Variants in UBE2D3 observed in about 807,000 individuals in gnomAD.
UBE2D3 encodes ubiquitin conjugating enzyme E2 D3.
A neutral mutation model predicts 22.8 loss-of-function variants in UBE2D3; 2 were observed. The ratio of observed to expected loss-of-function variants is 0.09; its 90% CI spans 0.04 to 0.28. UBE2D3 has a LOEUF of 0.28. Ranked by LOEUF, UBE2D3 falls within the 10% of genes least tolerant of loss-of-function variation. The probability of loss-of-function intolerance (pLI) is 1.00; values close to 1 mark genes in which losing one functional copy is unlikely to be tolerated. For synonymous variants in UBE2D3, 56 were observed against 60.4 expected (o/e 0.93, Z 0.34); for missense variants, 27 against 182.5 (o/e 0.15, Z 4.91).
At chr4:102,830,700 C>A (rs980732664), upstream of UBE2D3, among the ~76,000 whole-genome samples, 15 of 152,240 alleles carry the variant, frequency 9.9e-5, no homozygotes, top group African/African-American at 3.6e-4. Context: ...CCAGTCTCTA[C>A]AAAAATAATA....
At chr4:102,818,753 T>C (rs79503933) in intron 2 of UBE2D3, among the ~76,000 whole-genome samples, 13 of 108,596 alleles carry the variant, frequency 1.2e-4, no homozygotes, top group African/African-American at 3.5e-4. Context: ...TTGGTCACTA[T>C]TTTTTTTTTT....
chr4:102,847,666 T>G (rs778709314), intron 1 of UBE2D3, among the ~76,000 whole-genome samples: 24 of 151,962 alleles, frequency 1.6e-4, no homozygotes, highest in Non-Finnish European at 2.6e-4. Context: ...TCGTTAGAGA[T>G]AGGGTCCCAC....
intron 4 of UBE2D3, among the ~76,000 whole-genome samples, chr4:102,805,128 T>C (rs1265611372): frequency 6.6e-6 from 1 of 152,262 alleles, no homozygotes; most frequent in African/African-American, 2.4e-5. Context: ...AAATTTCGTT[T>C]CGTTTGTTCG....
rs551863071 is a variant in UBE2D3 at position 102,810,018 on chromosome 4, T to C, written c.25-163A>G. On this transcript the variant is annotated intron_variant, in intron 2 of 7. Transcript: ENST00000453744. ...TTAGGAGAGAGAACATGCCTGAACA[T>C]ATGCTGAGACAATCATCTTAGCTAG... 400 of 645,356 alleles carry C rather than the reference T, an allele frequency of 6.2e-4. No homozygotes were observed. The African/African-American group carries it at 6.6e-3, about 11-fold the overall frequency. 40.0% of individuals were successfully genotyped at this position (645,356 alleles called of 1,614,324 possible).
At chr4:102,851,857 C>T (rs986378651) in intron 1 of UBE2D3, among the ~76,000 whole-genome samples, 2 of 151,810 alleles carry the variant, frequency 1.3e-5, no homozygotes, top group Admixed American at 6.6e-5. Flanking sequence ...TTAGTAGAGA[C>T]GGGGTTTCAC....
At position 102,797,424 on chromosome 4, in the gene UBE2D3, A is replaced by G; in HGVS notation, c.435T>C (p.Tyr145=). 6.2e-7 allele frequency: 1 copy of G among 1,608,220 alleles called. No individual in the cohort carries two copies. Among genetic ancestry groups the G allele is most frequent in the South Asian group, 1.1e-5 (1 of 90,398 alleles). Residue 145 remains tyrosine (Y), a synonymous_variant, in exon 8 of 8, where the codon TAT becomes TAC. Transcript: ENST00000453744. ...NRISREWTQK[Y]AM is the part of the protein sequence containing the mutation. ...TGACTTTAAGGTAGCATCACATGGCATACTTCTGAGTCCATTCCCGAGATA... is the reference window on the plus strand; with the variant it reads ...TGACTTTAAGGTAGCATCACATGGCGTACTTCTGAGTCCATTCCCGAGATA...
chr4:102,838,901 C>T (rs1352702111), intron 1 of UBE2D3, among the ~76,000 whole-genome samples: 1 of 147,840 alleles, frequency 6.8e-6, no homozygotes, highest in East Asian at 2.0e-4. Flanking sequence ...AAAGATGATA[C>T]AAGAGGAGAG....
intron 2 of UBE2D3, among the ~76,000 whole-genome samples, chr4:102,824,094 A>G (rs1730060323): frequency 6.6e-6 from 1 of 152,212 alleles, no homozygotes; most frequent in South Asian, 2.1e-4. Flanking sequence ...TGATTTTAAC[A>G]TTAACAGCTG....
chr4:102,846,142 A>G (rs1385065752), intron 1 of UBE2D3, among the ~76,000 whole-genome samples: 1 of 152,104 alleles, frequency 6.6e-6, no homozygotes, highest in African/African-American at 2.4e-5. Context: ...TTAGGATTCT[A>G]ATGTTCCCAC....
At chr4:102,841,700 G>A in intron 1 of UBE2D3, among the ~76,000 whole-genome samples, 1 of 152,136 alleles carries the variant, frequency 6.6e-6, no homozygotes, top group Non-Finnish European at 1.5e-5. Flanking sequence ...GTCACTACAA[G>A]GTGAGTGACA....
Position 102,833,838 on chromosome 4 carries a change from C to G in UBE2D3, c.-128-7202G>C, listed in dbSNP as rs149894635. Reference sequence around the variant, plus strand: ...ACAAAAGGCTTTAAAACCCACCCTCCCTGTATATATTACACCTATGAGAAA... The same window carrying G: ...ACAAAAGGCTTTAAAACCCACCCTCGCTGTATATATTACACCTATGAGAAA... On this transcript the variant is annotated intron_variant, in intron 1 of 7. Transcript: ENST00000338145. Among the ~76,000 whole-genome samples, 42 of 152,270 alleles carry G rather than the reference C, an allele frequency of 2.8e-4. No homozygotes were observed. The East Asian group carries it at 7.7e-3, about 28-fold the overall frequency.
At chr4:102,799,083 T>C in intron 7 of UBE2D3, 1 of 1,267,276 alleles carries the variant, frequency 7.9e-7, no homozygotes, top group Non-Finnish European at 1.1e-6. Context: ...GACCAAATTT[T>C]TACAATAGTA....
chr4:102,859,740 C>A (rs753093095), intron 1 of UBE2D3, among the ~76,000 whole-genome samples: 2 of 151,704 alleles, frequency 1.3e-5, no homozygotes, highest in African/African-American at 2.4e-5. Context: ...ATCAAATGAT[C>A]TGTCTTCAAG....
At chr4:102,814,457 CT>C (rs574701413) in intron 2 of UBE2D3, among the ~76,000 whole-genome samples, 2,056 of 119,104 alleles carry the variant, frequency 0.017, 14 homozygotes, top group African/African-American at 0.027. Flanking sequence ...CCTGGCTATT[CT>C]TTTTTTTTTT....
At chr4:102,827,403 C>T in intron 1 of UBE2D3, 24 bp downstream of exon 1, 3 of 986,252 alleles carry the variant, frequency 3.0e-6, no homozygotes, top group Non-Finnish European at 3.6e-6. Context: ...CTTCCCTGCC[C>T]TAGCCGTCCA....
At chr4:102,831,881 A>T (rs1731134888), upstream of UBE2D3, among the ~76,000 whole-genome samples, 1 of 152,216 alleles carries the variant, frequency 6.6e-6, no homozygotes, top group Non-Finnish European at 1.5e-5. Context: ...TAGGACAAAG[A>T]ATGTTAATGT....
At chr4:102,834,749 GA>G (rs879634648) in intron 1 of UBE2D3, among the ~76,000 whole-genome samples, 120 of 141,222 alleles carry the variant, frequency 8.5e-4, no homozygotes, top group Non-Finnish European at 9.0e-4. Context: ...ACCCTGTCTG[GA>G]AAAAAAAAAA....
intron 2 of UBE2D3, chr4:102,825,362 CA>C: frequency 2.0e-6 from 2 of 1,008,948 alleles, no homozygotes; most frequent in Non-Finnish European, 1.2e-6. Flanking sequence ...ATACAAGTCA[CA>C]AAAAAGGGAA....
At chr4:102,799,106 G>A in intron 7 of UBE2D3, 1 of 1,033,780 alleles carries the variant, frequency 9.7e-7, no homozygotes. Context: ...AACATTTTTG[G>A]AAAAACATGC....
Sources: allele counts gnomAD v4.1 joint callset (sites outside exome capture counted in the v4.1 genomes callset), GRCh38; gene constraint gnomAD v4.1.1; transcripts MANE v1.5; gene names NCBI Gene and HGNC (gene_info 2026-07-23, HGNC 2026-07-21).